The following COL4A4 variants were observed in gnomAD, a reference collection of about 807,000 sequenced individuals.
COL4A4 encodes collagen alpha-4(IV) chain.
Under a neutral mutation model 192.9 loss-of-function variants are expected in COL4A4, and 105 were observed. The ratio of observed to expected loss-of-function variants is 0.54; its 90% CI spans 0.46 to 0.64. The LOEUF (loss-of-function observed/expected upper bound fraction) is 0.64. COL4A4 is among the 30% of genes least tolerant of loss of function. The pLI, the probability that COL4A4 is intolerant of heterozygous loss-of-function variation, is 0.00. For missense variants in COL4A4, 1,967 were observed against 2,169.3 expected (o/e 0.91, Z 1.85); for synonymous variants, 762 against 769.9 (o/e 0.99, Z 0.17).
Position 227,010,379 on chromosome 2 carries a change from T to C in COL4A4, c.4456A>G (p.Arg1486Gly). Residue 1486 changes from arginine to glycine, a missense_variant, in exon 46 of 48, where the codon AGG becomes GGG. Physicochemically the swap from Arg to Gly is moderately radical, Grantham distance 125 (BLOSUM62 -2). Transcript: ENST00000396625. The part of the protein sequence containing the change: ...QEPTCPLGMP[R>G]LWTGYSLLYL... ...AACAGACTATACCCAGTCCAGAGCC[T>C]GGGCATGCCCAGGGGGCAGGTGGGC... The C allele has an allele frequency of 6.2e-7, 1 of 1,614,236 alleles. No homozygotes were observed. Among genetic ancestry groups the C allele is most frequent in the Non-Finnish European group, 8.5e-7 (1 of 1,180,034 alleles).
rs773508075 is a variant in COL4A4 at position 227,008,068 on chromosome 2, G to A, written c.4759C>T (p.Pro1587Ser). The A allele has an allele frequency of 3.7e-6, 6 of 1,613,870 alleles. No homozygotes were observed. The highest frequency in any genetic ancestry group is 2.2e-5 in the South Asian group (2 of 91,084). ...AGGCTCCTCCAGGTCTGCGGACATGGGGGGATGGACTGGTCCTGGCTGTGC... is the reference window on the plus strand; with the variant it reads ...AGGCTCCTCCAGGTCTGCGGACATGAGGGGATGGACTGGTCCTGGCTGTGC... ...AVHSQDQSIP[P>S]CPQTWRSLWI... Residue 1587 changes from proline to serine, a missense_variant, in exon 47 of 48, where the codon CCA becomes TCA. By Grantham distance (74) the Pro-to-Ser change is moderately conservative. Transcript: ENST00000396625.
At chr2:227,126,499 T>C (rs1280162021) in intron 4 of COL4A4, among the ~76,000 whole-genome samples, 2 of 152,230 alleles carry the variant, frequency 1.3e-5, no homozygotes, top group Non-Finnish European at 2.9e-5. Context: ...GTAGGTGTTG[T>C]TATGCCTTTA....
intron 17 of COL4A4, among the ~76,000 whole-genome samples, chr2:227,100,421 C>A (rs1165193978): frequency 1.3e-5 from 2 of 150,434 alleles, no homozygotes; most frequent in Non-Finnish European, 2.9e-5. Flanking sequence ...ACAGTCAGCA[C>A]TCTTATAAAA....
chr2:227,070,368 G>A (rs988915873), intron 25 of COL4A4, among the ~76,000 whole-genome samples: 55 of 152,094 alleles, frequency 3.6e-4, no homozygotes, highest in Non-Finnish European at 5.3e-4. Context: ...CCCATTACTG[G>A]GTATATACCC....
chr2:227,031,186 A>C (rs1968310609), intron 40 of COL4A4, among the ~76,000 whole-genome samples: 1 of 152,204 alleles, frequency 6.6e-6, no homozygotes, highest in Non-Finnish European at 1.5e-5. Flanking sequence ...AATAGGAATA[A>C]ATTGACCCCA....
chr2:227,115,046 G>GTA (rs546411900), intron 7 of COL4A4, among the ~76,000 whole-genome samples: 72 of 149,928 alleles, frequency 4.8e-4, no homozygotes, highest in South Asian at 4.2e-3. Flanking sequence ...ACAGTAAAAC[G>GTA]TATATATATA....
chr2:227,125,653 C>G (rs557886465), intron 4 of COL4A4, among the ~76,000 whole-genome samples: 12 of 152,284 alleles, frequency 7.9e-5, no homozygotes, highest in African/African-American at 2.2e-4. Context: ...GATTTCTAGA[C>G]AAGCTCTGTT....
At chr2:227,100,989 T>G (rs533862005) in intron 17 of COL4A4, among the ~76,000 whole-genome samples, 1 of 152,174 alleles carries the variant, frequency 6.6e-6, no homozygotes, top group East Asian at 1.9e-4. Context: ...TTTGTATTTT[T>G]AGTAGAGACG....
At chr2:227,110,911 A>G (rs1442805919) in intron 9 of COL4A4, among the ~76,000 whole-genome samples, 1 of 151,316 alleles carries the variant, frequency 6.6e-6, no homozygotes, top group Non-Finnish European at 1.5e-5. Flanking sequence ...CAAACTCCTG[A>G]CCTCGTGATC....
intron 12 of COL4A4, among the ~76,000 whole-genome samples, chr2:227,107,382 C>A (rs2060909417): frequency 6.6e-6 from 1 of 152,148 alleles, no homozygotes. Context: ...GTTGAGAAAT[C>A]CCTCTCTGTG....
chr2:227,041,848 G>GAGAAAGAA (rs71036154), intron 37 of COL4A4, among the ~76,000 whole-genome samples: 711 of 38,520 alleles, frequency 0.018, 44 homozygotes, highest in East Asian at 0.053. Context: ...AAGAAAGAAA[G>GAGAAAGAA]AGAAAGAAAG....
At chr2:226,996,890 A>G in the COL4A4 span, 1 of 152,270 alleles carries the variant, frequency 6.6e-6, no homozygotes, top group Non-Finnish European at 1.5e-5. Context: ...AATTCACAAT[A>G]TAAACAGAAA....
downstream of COL4A4, among the ~76,000 whole-genome samples, chr2:227,001,614 G>C (rs764102058): frequency 6.6e-6 from 1 of 152,172 alleles, no homozygotes; most frequent in Non-Finnish European, 1.5e-5. Context: ...AAGGATAAAA[G>C]TATTATCTTT....
chr2:226,969,988 G>GC, the COL4A4 span, among the ~76,000 whole-genome samples: 19 of 102,944 alleles, frequency 1.8e-4, no homozygotes, highest in South Asian at 4.2e-4. Context: ...GTTTACAACT[G>GC]TCCCCCCCCC....
chr2:227,138,346 G>T (rs938272475), intron 4 of COL4A4, among the ~76,000 whole-genome samples: 3 of 150,344 alleles, frequency 2.0e-5, no homozygotes, highest in Admixed American at 6.6e-5. Context: ...AAAGAAAAAG[G>T]TCTCTGGCCT....
intron 11 of COL4A4, 83 bp downstream of exon 11, chr2:227,108,750 A>G: frequency 6.5e-7 from 1 of 1,528,060 alleles, no homozygotes; most frequent in Non-Finnish European, 9.1e-7. Flanking sequence ...GATAAGAGGA[A>G]AGCCATCATT....
intron 37 of COL4A4, 26 bp downstream of exon 37, chr2:227,042,122 G>A (rs780815609): frequency 7.1e-7 from 1 of 1,416,808 alleles, no homozygotes. Context: ...CATCTTTCTT[G>A]TGGGATGGGC....
In COL4A4 at chr2:227,072,577, C is replaced by A. The variant is rs944201449; in HGVS notation, c.1987+5317G>T. 2.0e-5 allele frequency among the ~76,000 whole-genome samples: 3 copies of A among 151,636 alleles called. No homozygotes were observed. In the South Asian group the frequency reaches 6.2e-4, roughly 32 times the overall value. On this transcript the variant is annotated intron_variant, in intron 25 of 47. Coordinates refer to ENST00000396625, the MANE Select transcript of COL4A4 (RefSeq NM_000092.5). The stretch of plus-strand genomic sequence containing the variant: ...TATTAAGCTAGTATCATCCTGATAC[C>A]AACACAGGAAAAGATACACACACAC...
Position 227,091,360 on chromosome 2 carries a change from C to T in COL4A4, c.1370-1403G>A, listed in dbSNP as rs1438771484. ...AGGTGAAGGGTTGTAATGTAGAGTTCAGGAAATCTCCCAGAAAGTGTTACA... is the reference window on the plus strand; with the variant it reads ...AGGTGAAGGGTTGTAATGTAGAGTTTAGGAAATCTCCCAGAAAGTGTTACA... On this transcript the variant is annotated intron_variant, in intron 20 of 47. Coordinates refer to ENST00000396625, the MANE Select transcript of COL4A4 (RefSeq NM_000092.5). Among the ~76,000 whole-genome samples, 3 of 146,566 alleles carry T rather than the reference C, an allele frequency of 2.0e-5. No homozygotes were observed. The Admixed American group carries it at 2.1e-4, about 10-fold the overall frequency.
Sources: gnomAD v4.1 joint callset for allele counts (sites outside exome capture counted in the v4.1 genomes callset) on GRCh38, gnomAD v4.1.1 for gene constraint, MANE v1.5 for transcripts, NCBI Gene and HGNC (gene_info 2026-07-23, HGNC 2026-07-21) for gene names.